The following RFTN1 variants were observed in gnomAD, a reference collection of about 807,000 sequenced individuals.
The protein encoded by RFTN1 is raftlin.
A neutral mutation model predicts 46.5 loss-of-function variants in RFTN1; 26 were observed. The observed-to-expected ratio is 0.56, with a 90% CI of 0.41 to 0.78. The LOEUF is 0.78. Ranked by LOEUF, RFTN1 falls within the 30% of genes least tolerant of loss-of-function variation. The probability of loss-of-function intolerance (pLI) is 0.00; values close to 1 mark genes in which losing one functional copy is unlikely to be tolerated. For synonymous variants in RFTN1, 261 were observed against 284.2 expected (o/e 0.92, Z 0.82); for missense variants, 693 against 718.7 (o/e 0.96, Z 0.41).
chr3:16,455,533 G>A lies in RFTN1; in HGVS notation c.146-21496C>T, dbSNP rs1253465487. On this transcript the variant is annotated intron_variant, in intron 2 of 9. Coordinates refer to ENST00000334133, the MANE Select transcript of RFTN1 (RefSeq NM_015150.2). ...TCAAGCCAGCTGTATGTAAGGATTA[G>A]GAAAATTCTAAATAGGGGAGCATTC... Among the ~76,000 whole-genome samples, 5 of 152,156 alleles carry A rather than the reference G, an allele frequency of 3.3e-5. No homozygotes were observed. In the East Asian group the frequency reaches 7.7e-4, roughly 23 times the overall value.
chr3:16,417,083 C>T (rs1196223431), intron 3 of RFTN1, among the ~76,000 whole-genome samples: 2 of 150,370 alleles, frequency 1.3e-5, no homozygotes, highest in Middle Eastern at 3.2e-3. Flanking sequence ...ATCAAGGGCT[C>T]ACTGCAGCCT....
Position 16,402,947 on chromosome 3 carries a change from G to C in RFTN1, c.441+6428C>G, listed in dbSNP as rs926385887. ...CATCACAAAAGGGAGTCAACTTGGG[G>C]AACAGAGCCCAGAGCTGAGGGCCTG... On this transcript the variant is annotated intron_variant, in intron 4 of 9. Transcript: ENST00000334133. This position sits in a 1 kb window ranked among gnomAD's most constrained non-coding sequence, Gnocchi z 4.5. 6.6e-6 allele frequency among the ~76,000 whole-genome samples: 1 copy of C among 152,132 alleles called. No individual in the cohort carries two copies. Among genetic ancestry groups the C allele is most frequent in the Non-Finnish European group, 1.5e-5 (1 of 68,026 alleles).
Position 16,473,872 on chromosome 3 carries a change from G to C in RFTN1, c.145+19853C>G, listed in dbSNP as rs145551035. The stretch of plus-strand genomic sequence containing the variant: ...AAACCTACCTCTCCGGGCTGCCCTC[G>C]CCCTTGTGAACACTGACTTCTCTGA... On this transcript the variant is annotated intron_variant, in intron 2 of 9. Coordinates refer to ENST00000334133, the MANE Select transcript of RFTN1 (RefSeq NM_015150.2). This position sits in a 1 kb window ranked among gnomAD's most constrained non-coding sequence, Gnocchi z 5.3. Among the ~76,000 whole-genome samples, 1 of 152,094 alleles carries C rather than the reference G, an allele frequency of 6.6e-6. No individual in the cohort carries two copies. Among genetic ancestry groups the C allele is most frequent in the South Asian group, 2.1e-4 (1 of 4,824 alleles).
chr3:16,396,141 T>G (rs1435835836), intron 4 of RFTN1, among the ~76,000 whole-genome samples: 1 of 151,598 alleles, frequency 6.6e-6, no homozygotes, highest in Non-Finnish European at 1.5e-5. Context: ...AGGGGAGAGA[T>G]AAAAGAAAGA....
At chr3:16,325,221 T>TA (rs1203519459) in intron 8 of RFTN1, among the ~76,000 whole-genome samples, 2 of 152,212 alleles carry the variant, frequency 1.3e-5, no homozygotes, top group Non-Finnish European at 2.9e-5. Flanking sequence ...GGAATCCAAC[T>TA]ACCACTTTTA....
At chr3:16,366,253 C>T (rs73039496) in intron 6 of RFTN1, among the ~76,000 whole-genome samples, 3 of 151,356 alleles carry the variant, frequency 2.0e-5, no homozygotes, top group Middle Eastern at 3.5e-3. Context: ...TCAGCCTCCT[C>T]GCTGGGTCTT....
At chr3:16,493,006 C>A (rs2076564287) in intron 2 of RFTN1, among the ~76,000 whole-genome samples, 1 of 152,222 alleles carries the variant, frequency 6.6e-6, no homozygotes, top group South Asian at 2.1e-4. Context: ...TCAGCCAAGG[C>A]AAAGCCAAGC....
Position 16,410,209 on chromosome 3 carries a change from T to C in RFTN1, c.333-726A>G, listed in dbSNP as rs912365579. 8.1e-6 allele frequency among the ~76,000 whole-genome samples: 1 copy of C among 123,402 alleles called. No individual in the cohort carries two copies. Among genetic ancestry groups the C allele is most frequent in the Non-Finnish European group, 1.6e-5 (1 of 60,634 alleles). 81.0% of individuals were successfully genotyped at this position (123,402 alleles called of 152,430 possible). A position where few individuals can be genotyped will look rare whatever the true frequency, so the allele number is the denominator to read the frequency against. On this transcript the variant is annotated intron_variant, in intron 3 of 9. Transcript: ENST00000334133. This position sits in a 1 kb window ranked among gnomAD's most constrained non-coding sequence, Gnocchi z 4.6. The stretch of plus-strand genomic sequence containing the variant: ...GGTTTGGTACAATACAGCTTACATG[T>C]TATACACACACACACACACACACAC...
rs2070046963 is a variant in RFTN1 at position 16,329,222 on chromosome 3, C to A, written c.1147-2346G>T. ...AGGCCCTCACAAGATGCCAGGCCCT[C>A]GACCTTGGACTTCCCAGCCTCCAGG... On this transcript the variant is annotated intron_variant, in intron 7 of 9. Transcript: ENST00000334133. This position sits in a 1 kb window ranked among gnomAD's most constrained non-coding sequence, Gnocchi z 4.5. Among the ~76,000 whole-genome samples, 1 of 152,214 alleles carries A rather than the reference C, an allele frequency of 6.6e-6. No homozygotes were observed. Among genetic ancestry groups the A allele is most frequent in the Non-Finnish European group, 1.5e-5 (1 of 68,040 alleles).
chr3:16,411,899 A>C (rs1412352495), intron 3 of RFTN1, among the ~76,000 whole-genome samples: 1 of 152,258 alleles, frequency 6.6e-6, no homozygotes, highest in Non-Finnish European at 1.5e-5. Context: ...TAAGTACAAC[A>C]TTCACAGGAT....
rs1028857629 is a variant in RFTN1 at position 16,427,123 on chromosome 3, G to A, written c.332+6728C>T. ...CTGCAAGATGGCAGCCAGTGGCATG[G>A]GTTAGGGACAAACAATCCTACTTTG... is the stretch of plus-strand genomic sequence containing the variant. On this transcript the variant is annotated intron_variant, in intron 3 of 9. Coordinates refer to ENST00000334133, the MANE Select transcript of RFTN1 (RefSeq NM_015150.2). The surrounding 1 kb of genome is among the most constrained non-coding windows in gnomAD (Gnocchi z 5.4). Among the ~76,000 whole-genome samples the A allele has an allele frequency of 7.9e-5, 12 of 152,172 alleles. No homozygotes were observed. The highest frequency in any genetic ancestry group is 2.9e-4 in the African/African-American group (12 of 41,424).
At chr3:16,470,281 A>G (rs989889410) in intron 2 of RFTN1, among the ~76,000 whole-genome samples, 4 of 152,124 alleles carry the variant, frequency 2.6e-5, no homozygotes, top group African/African-American at 9.7e-5. Context: ...AAAACAAAAC[A>G]AAGCAACTTT....
At chr3:16,417,288 C>A (rs1490049627) in intron 3 of RFTN1, among the ~76,000 whole-genome samples, 1 of 152,042 alleles carries the variant, frequency 6.6e-6, no homozygotes, top group East Asian at 1.9e-4. Flanking sequence ...GCATCAGCCA[C>A]CGCACCCGGC....
In RFTN1 at chr3:16,435,527, G is replaced by A. The variant is rs141667330; in HGVS notation, c.146-1490C>T. On this transcript the variant is annotated intron_variant, in intron 2 of 9. Coordinates refer to ENST00000334133, the MANE Select transcript of RFTN1 (RefSeq NM_015150.2). ...GAAGGTTGCAGTGAGCCGAGATTGC[G>A]CCACTGCACTCCAGCCTGGGCAACA... Among the ~76,000 whole-genome samples, 15 of 152,196 alleles carry A rather than the reference G, an allele frequency of 9.9e-5. No homozygotes were observed. The East Asian group carries it at 1.5e-3, about 16-fold the overall frequency.
chr3:16,409,625 GT>G, intron 3 of RFTN1, 142 bp from the exon 4 acceptor site: 1 of 551,822 alleles, frequency 1.8e-6, no homozygotes, highest in South Asian at 1.8e-5. Context: ...TCAAGCAATT[GT>G]CCTGCCTCAG....
chr3:16,440,467 C>A lies in RFTN1; in HGVS notation c.146-6430G>T, dbSNP rs1017903009. On this transcript the variant is annotated intron_variant, in intron 2 of 9. Coordinates refer to ENST00000334133, the MANE Select transcript of RFTN1 (RefSeq NM_015150.2). The surrounding 1 kb of genome is among the most constrained non-coding windows in gnomAD (Gnocchi z 4.6). Reference sequence around the variant, plus strand: ...CATCCCATACCAGGGCTTTGTCCTGCTGCAGTGCAAAGGACAATTCTCTCC... The same window carrying A: ...CATCCCATACCAGGGCTTTGTCCTGATGCAGTGCAAAGGACAATTCTCTCC... Among the ~76,000 whole-genome samples, 6 of 152,298 alleles carry A rather than the reference C, an allele frequency of 3.9e-5. No individual in the cohort carries two copies. Among genetic ancestry groups the A allele is most frequent in the Admixed American group, 2.0e-4 (3 of 15,302 alleles).
rs1031125011 is a variant in RFTN1, at chr3:16,484,934, T to C, written c.145+8791A>G. 2.0e-5 allele frequency: 3 copies of C among 152,248 alleles called. No homozygotes were observed. Among genetic ancestry groups the C allele is most frequent in the African/African-American group, 7.2e-5 (3 of 41,462 alleles). 9.4% of individuals were successfully genotyped at this position (152,248 alleles called of 1,614,324 possible). A position where few individuals can be genotyped will look rare whatever the true frequency, so the allele number is the denominator to read the frequency against. On this transcript the variant is annotated intron_variant, in intron 2 of 9. Transcript: ENST00000334133. The surrounding 1 kb of genome is among the most constrained non-coding windows in gnomAD (Gnocchi z 4.6). ...TGTTAGTTTGTTTAGAAGAGATTAATACAACAGTAGGTGCTGAATAAAAAG... is the reference window on the plus strand; with the variant it reads ...TGTTAGTTTGTTTAGAAGAGATTAACACAACAGTAGGTGCTGAATAAAAAG...
At chr3:16,454,398 A>C (rs2075870321) in intron 2 of RFTN1, among the ~76,000 whole-genome samples, 1 of 152,130 alleles carries the variant, frequency 6.6e-6, no homozygotes, top group South Asian at 2.1e-4. Context: ...TTAGGAATGC[A>C]GGTCCCAGGC....
chr3:16,404,120 C>T (rs867584731), intron 4 of RFTN1, among the ~76,000 whole-genome samples: 33 of 1,778 alleles, frequency 0.019, no homozygotes, highest in Admixed American at 0.043. Flanking sequence ...ATATAATATA[C>T]ATTTTATATA....
Sources: allele counts gnomAD v4.1 joint callset (sites outside exome capture counted in the v4.1 genomes callset), GRCh38; gene constraint gnomAD v4.1.1; non-coding constraint Gnocchi (gnomAD v3.1); transcripts MANE v1.5; gene names NCBI Gene and HGNC (gene_info 2026-07-23, HGNC 2026-07-21).